The following CNTN4 variants were observed in gnomAD, a reference collection of about 807,000 sequenced individuals.
The protein encoded by CNTN4 is contactin 4.
Under a neutral mutation model 122.5 loss-of-function variants are expected in CNTN4, and 77 were observed. The observed-to-expected ratio is 0.63, with a 90% CI of 0.52 to 0.76. The LOEUF (loss-of-function observed/expected upper bound fraction) is 0.76. CNTN4 is among the 30% of genes least tolerant of loss of function. The pLI is 0.00. For synonymous variants in CNTN4, 512 were observed against 447.0 expected (o/e 1.15, Z -1.83); for missense variants, 1,256 against 1,259.1 (o/e 1.00, Z 0.04).
intron 2 of CNTN4, among the ~76,000 whole-genome samples, chr3:2,289,436 C>G (rs1020707856): frequency 7.2e-5 from 11 of 152,272 alleles, no homozygotes; most frequent in African/African-American, 2.6e-4. Flanking sequence ...GACAGAGTTT[C>G]TATAAGGATT....
At chr3:2,213,256 G>T (rs1049267987) in intron 2 of CNTN4, among the ~76,000 whole-genome samples, 1 of 152,178 alleles carries the variant, frequency 6.6e-6, no homozygotes, top group Admixed American at 6.5e-5. Context: ...TAGCTGGTCT[G>T]TTCAACACTA....
chr3:2,953,767 G>A (rs1266458265), intron 13 of CNTN4, among the ~76,000 whole-genome samples: 1 of 152,170 alleles, frequency 6.6e-6, no homozygotes, highest in African/African-American at 2.4e-5. Flanking sequence ...GGAGAGGAAA[G>A]CAGTGAAGCT....
intron 15 of CNTN4, among the ~76,000 whole-genome samples, chr3:3,030,593 G>A (rs1699080303): frequency 6.6e-6 from 1 of 152,102 alleles, no homozygotes; most frequent in South Asian, 2.1e-4. Context: ...TGTAACTTAC[G>A]TCCTTCCGAC....
intron 23 of CNTN4, among the ~76,000 whole-genome samples, chr3:3,048,040 CT>C (rs1314100289): frequency 1.3e-5 from 2 of 152,164 alleles, no homozygotes; most frequent in African/African-American, 4.8e-5. Flanking sequence ...GTCACTCCCC[CT>C]TCTTTTTAGG....
At chr3:2,666,292 C>T (rs1469426791) in intron 4 of CNTN4, among the ~76,000 whole-genome samples, 6 of 151,990 alleles carry the variant, frequency 3.9e-5, no homozygotes, top group Admixed American at 2.6e-4. Context: ...AATTTGCTTC[C>T]AGAGTCTTGT....
At chr3:2,546,323 C>A (rs958156552) in intron 3 of CNTN4, among the ~76,000 whole-genome samples, 5 of 127,840 alleles carry the variant, frequency 3.9e-5, no homozygotes, top group African/African-American at 1.4e-4. Flanking sequence ...TACTATGCAG[C>A]CAAAAAAAAA....
chr3:2,994,375 T>G (rs1559764786), intron 14 of CNTN4, among the ~76,000 whole-genome samples: 2 of 152,150 alleles, frequency 1.3e-5, no homozygotes, highest in African/African-American at 4.8e-5. Flanking sequence ...AATTTATACT[T>G]TAAGTAGCTT....
chr3:2,420,353 A>T (rs1019040556), intron 3 of CNTN4, among the ~76,000 whole-genome samples: 1 of 152,206 alleles, frequency 6.6e-6, no homozygotes, highest in Non-Finnish European at 1.5e-5. Flanking sequence ...CTCTGGTGGG[A>T]TAACTCTGTG....
intron 12 of CNTN4, among the ~76,000 whole-genome samples, chr3:2,917,432 C>T (rs535921675): frequency 6.6e-6 from 1 of 151,362 alleles, no homozygotes; most frequent in Admixed American, 6.6e-5. Context: ...CTTGAAGACT[C>T]ATATGTATTA....
intron 2 of CNTN4, among the ~76,000 whole-genome samples, chr3:2,280,025 A>G (rs928139190): frequency 2.0e-5 from 3 of 147,696 alleles, no homozygotes; most frequent in African/African-American, 4.9e-5. Flanking sequence ...ATATATATCT[A>G]TATAGTATGT....
intron 2 of CNTN4, among the ~76,000 whole-genome samples, chr3:2,328,655 T>C (rs569397877): frequency 7.0e-6 from 1 of 141,880 alleles, no homozygotes; most frequent in Non-Finnish European, 1.6e-5. Flanking sequence ...TGCGGATCAA[T>C]AATGTTTGGA....
intron 14 of CNTN4, among the ~76,000 whole-genome samples, chr3:3,018,390 C>A (rs184027259): frequency 9.2e-5 from 14 of 152,036 alleles, no homozygotes; most frequent in African/African-American, 3.4e-4. Context: ...TTTTATTGTT[C>A]TGTGGAGTAT....
chr3:2,687,681 A>G (rs1319084571), intron 4 of CNTN4, among the ~76,000 whole-genome samples: 2 of 152,164 alleles, frequency 1.3e-5, no homozygotes, highest in African/African-American at 4.8e-5. Flanking sequence ...ACATATATCT[A>G]TGCCTTTGAT....
intron 2 of CNTN4, among the ~76,000 whole-genome samples, chr3:2,313,742 T>C (rs555723121): frequency 6.6e-6 from 1 of 152,120 alleles, no homozygotes; most frequent in South Asian, 2.1e-4. Flanking sequence ...AGTGTAGTAA[T>C]AGATTGATAC....
chr3:3,037,204 A>T lies in CNTN4; in HGVS notation c.1968A>T (p.Thr656=). Residue 656 remains threonine (T), a synonymous_variant, in exon 18 of 25, where the codon ACA becomes ACT. Transcript: ENST00000418658. ...TCCCAGAACTCATTGATGGGAAGAC[A>T]TTCACAGCGACCGTGGTGGGTTTGA... The part of the protein sequence containing the change: ...STVPELIDGK[T]FTATVVGLNP... 1 of 1,614,236 alleles carries T rather than the reference A, an allele frequency of 6.2e-7. No individual in the cohort carries two copies.
At chr3:2,247,769 C>G (rs528416427) in intron 2 of CNTN4, among the ~76,000 whole-genome samples, 1 of 151,996 alleles carries the variant, frequency 6.6e-6, no homozygotes, top group Admixed American at 6.6e-5. Context: ...CAACCCATGT[C>G]TAGTCAGCAA....
At chr3:2,857,318 T>A (rs1002946455) in intron 7 of CNTN4, among the ~76,000 whole-genome samples, 7 of 152,260 alleles carry the variant, frequency 4.6e-5, no homozygotes, top group Admixed American at 3.3e-4. Flanking sequence ...TATTCTATAC[T>A]TGGCTGTCAA....
chr3:2,287,609 A>T, intron 2 of CNTN4, among the ~76,000 whole-genome samples: 1 of 55,116 alleles, frequency 1.8e-5, no homozygotes, highest in African/African-American at 6.2e-5. Flanking sequence ...TCTAAAGAAA[A>T]GAAGGAGAAG....
intron 3 of CNTN4, among the ~76,000 whole-genome samples, chr3:2,497,844 A>G (rs1184995754): frequency 6.6e-6 from 1 of 152,160 alleles, no homozygotes; most frequent in African/African-American, 2.4e-5. Flanking sequence ...TATAAACCTC[A>G]TAATTGTCAT....
Sources: allele counts gnomAD v4.1 joint callset (sites outside exome capture counted in the v4.1 genomes callset), GRCh38; gene constraint gnomAD v4.1.1; transcripts MANE v1.5; gene names NCBI Gene and HGNC (gene_info 2026-07-23, HGNC 2026-07-21).